Variants in GLRB observed in about 807,000 individuals in gnomAD.
The protein encoded by GLRB is glycine receptor subunit beta.
In GLRB, 33 loss-of-function variants were observed where a neutral mutation model predicts 54.2. The observed-to-expected ratio is 0.61, with a 90% confidence interval of 0.46 to 0.81. The LOEUF is 0.81. Among genes scored for constraint, GLRB ranks in the 40% least tolerant of loss-of-function variants. The probability of loss-of-function intolerance (pLI) is 0.00; values close to 1 mark genes in which losing one functional copy is unlikely to be tolerated. For missense variants in GLRB, 572 were observed against 584.6 expected, an observed-to-expected ratio of 0.98 and a Z score of 0.22; for synonymous variants, 209 against 208.2, an observed-to-expected ratio of 1.00 and a Z score of -0.03.
intron 4 of GLRB, among the ~76,000 whole-genome samples, chr4:157,133,348 A>G (rs952382647): frequency 2.0e-5 from 3 of 151,880 alleles, no homozygotes; most frequent in African/African-American, 4.8e-5. Flanking sequence ...TTAAACCCAT[A>G]TAGCAAATTA....
chr4:157,085,964 A>G (rs1209151961), intron 2 of GLRB, among the ~76,000 whole-genome samples: 2 of 151,982 alleles, frequency 1.3e-5, no homozygotes, highest in African/African-American at 4.8e-5. Context: ...GTAGGTATGT[A>G]TATATGAATG....
chr4:157,105,907 TA>T (rs1419899144), intron 2 of GLRB, among the ~76,000 whole-genome samples: 15 of 152,132 alleles, frequency 9.9e-5, no homozygotes, highest in African/African-American at 3.1e-4. Flanking sequence ...AAATCGAAAG[TA>T]GATCTCTTTT....
chr4:157,087,876 C>A (rs1734469022), intron 2 of GLRB, among the ~76,000 whole-genome samples: 1 of 151,938 alleles, frequency 6.6e-6, no homozygotes, highest in East Asian at 1.9e-4. Context: ...CCTTATGCTT[C>A]TACCTGAAAT....
At chr4:157,125,039 A>G (rs1735967641) in intron 4 of GLRB, among the ~76,000 whole-genome samples, 1 of 151,908 alleles carries the variant, frequency 6.6e-6, no homozygotes, top group Non-Finnish European at 1.5e-5. Context: ...GTCATTATAG[A>G]TACATAAATG....
chr4:157,114,465 T>C (rs2126514933), intron 2 of GLRB, among the ~76,000 whole-genome samples: 1 of 151,968 alleles, frequency 6.6e-6, no homozygotes, highest in South Asian at 2.1e-4. Flanking sequence ...TTTATTTTTC[T>C]TTAGTATGGT....
chr4:157,104,031 G>A (rs1735134021), intron 2 of GLRB, among the ~76,000 whole-genome samples: 2 of 151,818 alleles, frequency 1.3e-5, no homozygotes, highest in African/African-American at 4.8e-5. Context: ...CTTTATTTCT[G>A]ACTTGGATGT....
Position 157,096,991 on chromosome 4 carries a change from A to G in GLRB, c.122+18845A>G, listed in dbSNP as rs72978497. Among the ~76,000 whole-genome samples, 739 of 152,292 alleles carry G rather than the reference A, an allele frequency of 4.9e-3. 8 individuals are homozygous for G. Among genetic ancestry groups the G allele is most frequent in the African/African-American group, 0.017 (693 of 41,560 alleles). On this transcript the variant is annotated intron_variant, in intron 2 of 9. Transcript: ENST00000264428. ...TTTCTGCTCTGACTTTTCTTTGCTT[A>G]ATTCCTTGGTTTTAAGTTTTAGTTT...
chr4:157,167,423 T>C (rs1043550983), intron 9 of GLRB, among the ~76,000 whole-genome samples: 4 of 152,258 alleles, frequency 2.6e-5, no homozygotes, highest in African/African-American at 9.6e-5. Context: ...CTCTCTGATG[T>C]TCTGTCTGTA....
chr4:157,105,590 T>C (rs1735193225), intron 2 of GLRB, among the ~76,000 whole-genome samples: 1 of 151,852 alleles, frequency 6.6e-6, no homozygotes, highest in Admixed American at 6.6e-5. Context: ...CTGATTGTTC[T>C]GTCCATTACT....
At chr4:157,091,755 T>C (rs1734626167) in intron 2 of GLRB, among the ~76,000 whole-genome samples, 1 of 152,214 alleles carries the variant, frequency 6.6e-6, no homozygotes, top group Admixed American at 6.5e-5. Context: ...TGCTCTGCAC[T>C]TCCAGTATCT....
rs201620932 is a variant in GLRB at position 157,120,386 on chromosome 4, TAATAA to T, written c.123-154_123-150del. Among the ~76,000 whole-genome samples the T allele has an allele frequency of 9.1e-3, 1,337 of 147,282 alleles. 22 individuals are homozygous for T. In the East Asian group the frequency reaches 0.1, roughly 11 times the overall value. ...TACCCTAAAACTTAAAATATAATAA[TAATAA>T]AATAAAATAAAATAATAAAATAAAA... is the stretch of plus-strand genomic sequence containing the variant. On this transcript the variant is annotated intron_variant, in intron 2 of 9. Coordinates refer to ENST00000264428, the MANE Select transcript of GLRB (RefSeq NM_000824.5).
At chr4:157,118,376 C>T (rs182261337) in intron 2 of GLRB, among the ~76,000 whole-genome samples, 40 of 151,738 alleles carry the variant, frequency 2.6e-4, no homozygotes, top group Admixed American at 2.0e-3. Context: ...AATTTTCCCA[C>T]GTGCGCTCAT....
chr4:157,110,890 C>A (rs1735394244), intron 2 of GLRB, among the ~76,000 whole-genome samples: 1 of 151,996 alleles, frequency 6.6e-6, no homozygotes, highest in African/African-American at 2.4e-5. Flanking sequence ...GCTGTCTATC[C>A]TCCAAGAAAG....
Position 157,156,324 on chromosome 4 carries a change from T to A in GLRB, c.1197+3314T>A, listed in dbSNP as rs996861698. 2.0e-5 allele frequency among the ~76,000 whole-genome samples: 3 copies of A among 152,318 alleles called. No homozygotes were observed. The South Asian group carries it at 6.2e-4, about 32-fold the overall frequency. On this transcript the variant is annotated intron_variant, in intron 9 of 9. Coordinates refer to ENST00000264428, the MANE Select transcript of GLRB (RefSeq NM_000824.5). ...TGAGTTCTTAATTTGATTCTCAACT[T>A]GGTCATTGTTGGTGTATAGCAGTAC...
At chr4:157,143,696 C>A in intron 7 of GLRB, 111 bp from the exon 8 acceptor site, 1 of 1,066,414 alleles carries the variant, frequency 9.4e-7, no homozygotes. Context: ...GGCATTTCCT[C>A]TGTGAAATTG....
chr4:157,163,829 A>AGTGTGTGTGTGTGTGTGTGTGTGTGTGT (rs3054934), intron 9 of GLRB, among the ~76,000 whole-genome samples: 2 of 146,276 alleles, frequency 1.4e-5, no homozygotes, highest in African/African-American at 5.1e-5. Context: ...TGTCTGTGTG[A>AGTGTGTGTGTGTGTGTGTGTGTGTGTGT]GTGTGTGTGT....
In GLRB at chr4:157,136,893, A is replaced by C. The variant is rs758829852; in HGVS notation, c.610+7A>C. 5.3e-6 allele frequency: 8 copies of C among 1,497,498 alleles called. No individual in the cohort carries two copies. Among genetic ancestry groups the C allele is most frequent in the Admixed American group, 1.7e-5 (1 of 59,852 alleles). 92.8% of individuals were successfully genotyped at this position (1,497,498 alleles called of 1,614,324 possible). A position where few individuals can be genotyped will look rare whatever the true frequency, so the allele number is the denominator to read the frequency against. Reference sequence around the variant, plus strand: ...AAGATGCAACTGGAGAGCTGTACGTAAATGAGAACATAATTGATTATGAAA... The same window carrying C: ...AAGATGCAACTGGAGAGCTGTACGTCAATGAGAACATAATTGATTATGAAA... On this transcript the variant is annotated splice_region_variant and intron_variant, in intron 6 of 9. Coordinates refer to ENST00000264428, the MANE Select transcript of GLRB (RefSeq NM_000824.5).
At chr4:157,115,163 T>C (rs896535405) in intron 2 of GLRB, among the ~76,000 whole-genome samples, 1 of 151,874 alleles carries the variant, frequency 6.6e-6, no homozygotes, top group East Asian at 1.9e-4. Context: ...ACTACTTTAT[T>C]TTGTTGCTCA....
intron 9 of GLRB, among the ~76,000 whole-genome samples, chr4:157,165,887 T>C (rs1737688735): frequency 6.6e-6 from 1 of 152,010 alleles, no homozygotes; most frequent in African/African-American, 2.4e-5. Flanking sequence ...GTAAAGGAGA[T>C]CTTTTAATGG....
Sources: gnomAD v4.1 joint callset for allele counts (sites outside exome capture counted in the v4.1 genomes callset) on GRCh38, gnomAD v4.1.1 for gene constraint, MANE v1.5 for transcripts, NCBI Gene and HGNC (gene_info 2026-07-23, HGNC 2026-07-21) for gene names.